PLEKHM3: variants seen among roughly 807,000 people sequenced by gnomAD.
PLEKHM3 encodes the protein pleckstrin homology domain containing M3, also known as pleckstrin homology domain-containing family M member 3.
Under a neutral mutation model 81.8 loss-of-function variants are expected in PLEKHM3, and 45 were observed. That is an observed-to-expected ratio of 0.55 (90% CI 0.43 to 0.71). The LOEUF is 0.71. PLEKHM3 is among the 30% of genes least tolerant of loss of function. The pLI, the probability that PLEKHM3 is intolerant of heterozygous loss-of-function variation, is 0.00. For missense variants in PLEKHM3, 788 were observed against 924.3 expected, an observed-to-expected ratio of 0.85 and a Z score of 1.91; for synonymous variants, 352 against 356.4, an observed-to-expected ratio of 0.99 and a Z score of 0.14.
At chr2:207,865,801 A>AAAAAAAAATATATATATATATAT in intron 6 of PLEKHM3, among the ~76,000 whole-genome samples, 2 of 25,288 alleles carry the variant, frequency 7.9e-5, no homozygotes, top group African/African-American at 2.1e-4. Flanking sequence ...AAAAAAAAAA[A>AAAAAAAAATATATATATATATAT]AGATATATAT....
Position 207,826,533 on chromosome 2 carries a change from T to C in PLEKHM3, c.*1786A>G, listed in dbSNP as rs2092252413. 1 of 152,164 alleles carries C rather than the reference T, an allele frequency of 6.6e-6. No homozygotes were observed. The highest frequency in any genetic ancestry group is 1.5e-5 in the Non-Finnish European group (1 of 68,026). 9.4% of individuals were successfully genotyped at this position (152,164 alleles called of 1,614,324 possible). ...ACTGTATAGTCAGAAAATAAATGCA[T>C]GTATGGTGTTGAGCTATTAAGGTGA... On this transcript the variant is annotated 3_prime_UTR_variant, in exon 8 of 8. Coordinates refer to ENST00000427836, the MANE Select transcript of PLEKHM3 (RefSeq NM_001080475.3).
intron 1 of PLEKHM3, among the ~76,000 whole-genome samples, chr2:208,024,816 A>G (rs1188777416): frequency 6.6e-6 from 1 of 152,248 alleles, no homozygotes; most frequent in Non-Finnish European, 1.5e-5. Context: ...TGCAAGGTAT[A>G]CATCCAGACC....
intron 6 of PLEKHM3, among the ~76,000 whole-genome samples, chr2:207,880,776 A>AAAAAAAAAAAAAC (rs1559219081): frequency 7.3e-6 from 1 of 137,536 alleles, no homozygotes; most frequent in Non-Finnish European, 1.6e-5. Flanking sequence ...AAAAAAAAAA[A>AAAAAAAAAAAAAC]AAAAAAAAAA....
chr2:208,008,252 A>C (rs1692564513), intron 1 of PLEKHM3, among the ~76,000 whole-genome samples: 1 of 151,676 alleles, frequency 6.6e-6, no homozygotes, highest in African/African-American at 2.4e-5. Flanking sequence ...TAAATAAATA[A>C]ATAAAAATAA....
chr2:207,877,272 C>G (rs979285362), intron 6 of PLEKHM3, among the ~76,000 whole-genome samples: 1 of 152,196 alleles, frequency 6.6e-6, no homozygotes, highest in African/African-American at 2.4e-5. Flanking sequence ...TGAGGGCAGA[C>G]AGTCTGTGAT....
In PLEKHM3 at chr2:208,004,601, C is replaced by T. The variant is rs188508831; in HGVS notation, c.-318-2644G>A. On this transcript the variant is annotated intron_variant, in intron 1 of 7. Transcript: ENST00000427836. ...CAAAGAAGGTAAGAGGCCCCACGAG[C>T]ACTTTCATGCTCTTAAACTTGCAGA... Among the ~76,000 whole-genome samples, 597 of 152,130 alleles carry T rather than the reference C, an allele frequency of 3.9e-3. 1 individual carries two copies. The highest frequency in any genetic ancestry group is 6.1e-3 in the Non-Finnish European group (417 of 68,016).
At chr2:207,999,594 C>G (rs1013979464) in intron 2 of PLEKHM3, among the ~76,000 whole-genome samples, 8 of 152,118 alleles carry the variant, frequency 5.3e-5, no homozygotes, top group Admixed American at 5.2e-4. Context: ...GACAACAAGA[C>G]CTTGTCCCTA....
intron 6 of PLEKHM3, among the ~76,000 whole-genome samples, chr2:207,906,883 T>G (rs1688628236): frequency 6.6e-6 from 1 of 152,132 alleles, no homozygotes; most frequent in Admixed American, 6.5e-5. Context: ...CAAAAAATCC[T>G]TGAAAAGTAA....
At chr2:207,927,004 C>T (rs1024097259) in intron 5 of PLEKHM3, among the ~76,000 whole-genome samples, 1 of 152,192 alleles carries the variant, frequency 6.6e-6, no homozygotes, top group Admixed American at 6.5e-5. Context: ...CGGCATGTTG[C>T]GCCTACTTGC....
intron 4 of PLEKHM3, among the ~76,000 whole-genome samples, chr2:207,944,282 T>A (rs770698092): frequency 5.9e-5 from 9 of 152,114 alleles, no homozygotes; most frequent in Non-Finnish European, 1.2e-4. Context: ...AAATAGTGTA[T>A]CCTAGAGAAG....
intron 2 of PLEKHM3, 32 bp from the exon 3 acceptor site, chr2:207,977,618 T>A (rs1691365972): frequency 6.5e-7 from 1 of 1,538,426 alleles, no homozygotes. Flanking sequence ...AAGTATTGAT[T>A]AGAATTAGTT....
intron 7 of PLEKHM3, among the ~76,000 whole-genome samples, chr2:207,857,392 T>C (rs988480206): frequency 6.6e-6 from 1 of 152,240 alleles, no homozygotes; most frequent in Non-Finnish European, 1.5e-5. Flanking sequence ...TATCTCATTA[T>C]GAATATCTCA....
At chr2:207,837,833 C>T (rs1485892927) in intron 7 of PLEKHM3, among the ~76,000 whole-genome samples, 2 of 125,978 alleles carry the variant, frequency 1.6e-5, no homozygotes, top group Non-Finnish European at 3.2e-5. Flanking sequence ...GGCAGTGGTG[C>T]GATCTCAGCT....
rs568038411 is a variant in PLEKHM3 at position 207,823,138 on chromosome 2, A to C, written c.*5181T>G. The C allele has an allele frequency of 3.9e-5, 6 of 152,136 alleles. No homozygotes were observed. In the South Asian group the frequency reaches 1.2e-3, roughly 32 times the overall value. The allele number at this position is 152,136 out of a possible 1,614,324, so 9.4% of individuals were successfully genotyped here. A position where few individuals can be genotyped will look rare whatever the true frequency, so the allele number is the denominator to read the frequency against. The stretch of plus-strand genomic sequence containing the variant: ...TCATTCAAAGTCTGGAACTTCATTC[A>C]AAGTCTTGTCTTTCTAACAAGACGA... On this transcript the variant is annotated 3_prime_UTR_variant, in exon 8 of 8. Coordinates refer to ENST00000427836, the MANE Select transcript of PLEKHM3 (RefSeq NM_001080475.3).
intron 6 of PLEKHM3, among the ~76,000 whole-genome samples, chr2:207,907,990 A>G: frequency 6.6e-6 from 1 of 152,182 alleles, no homozygotes. Context: ...TGTTTTCAAG[A>G]TTTATCCATA....
chr2:207,982,514 C>T (rs181861081), intron 2 of PLEKHM3, among the ~76,000 whole-genome samples: 76 of 150,122 alleles, frequency 5.1e-4, no homozygotes, highest in Non-Finnish European at 9.1e-4. Context: ...AAGCAACCCT[C>T]TCACCTTGGC....
intron 2 of PLEKHM3, among the ~76,000 whole-genome samples, chr2:207,992,585 C>T (rs1186966502): frequency 6.6e-6 from 1 of 152,150 alleles, no homozygotes; most frequent in Non-Finnish European, 1.5e-5. Context: ...TCCATGTGTT[C>T]ATGCTTGGTA....
At chr2:207,982,761 T>G (rs1240001826) in intron 2 of PLEKHM3, among the ~76,000 whole-genome samples, 1 of 151,598 alleles carries the variant, frequency 6.6e-6, no homozygotes, top group Non-Finnish European at 1.5e-5. Context: ...GTATTTTTAG[T>G]AGAGACAGGG....
At chr2:207,958,224 G>C (rs1690588006) in intron 3 of PLEKHM3, among the ~76,000 whole-genome samples, 1 of 152,016 alleles carries the variant, frequency 6.6e-6, no homozygotes, top group African/African-American at 2.4e-5. Context: ...GGTTAAATTA[G>C]TGTCATGAAA....
Sources: allele counts gnomAD v4.1 joint callset (sites outside exome capture counted in the v4.1 genomes callset), GRCh38; gene constraint gnomAD v4.1.1; transcripts MANE v1.5; gene names NCBI Gene and HGNC (gene_info 2026-07-23, HGNC 2026-07-21).